PTGER3: variants seen among roughly 807,000 people sequenced by gnomAD.
The protein encoded by PTGER3 is prostaglandin E receptor 3.
In PTGER3, 22 loss-of-function variants were observed where a neutral mutation model predicts 34.7. The ratio of observed to expected loss-of-function variants is 0.63; its 90% confidence interval spans 0.45 to 0.91. The LOEUF (loss-of-function observed/expected upper bound fraction) is 0.91, where lower values mean the gene tolerates loss of function less well. Among genes scored for constraint, PTGER3 ranks in the 40% least tolerant of loss-of-function variants. The pLI is 0.00. For synonymous variants in PTGER3, 241 were observed against 230.1 expected, an observed-to-expected ratio of 1.05 and a Z score of -0.43; for missense variants, 468 against 519.4, an observed-to-expected ratio of 0.90 and a Z score of 0.96.
At chr1:70,885,735 C>CA (rs1460641127) in intron 4 of PTGER3, among the ~76,000 whole-genome samples, 10 of 149,550 alleles carry the variant, frequency 6.7e-5, no homozygotes, top group East Asian at 2.0e-4. Flanking sequence ...GCTGAGGAAA[C>CA]AAAAAAAAGG....
intron 2 of PTGER3, 50 bp from the exon 3 acceptor site, chr1:70,974,438 A>G (rs1653481848): frequency 2.5e-6 from 2 of 805,552 alleles, no homozygotes; most frequent in East Asian, 4.9e-5. Flanking sequence ...GTATTTTTAA[A>G]GAAAAGCAAA....
intron 2 of PTGER3, among the ~76,000 whole-genome samples, chr1:71,005,651 C>A (rs945248563): frequency 6.6e-6 from 1 of 152,096 alleles, no homozygotes; most frequent in African/African-American, 2.4e-5. Flanking sequence ...AAAGAGCAAG[C>A]CTGCAGAAGT....
At chr1:70,865,249 C>T (rs1460047789) in intron 4 of PTGER3, among the ~76,000 whole-genome samples, 1 of 152,088 alleles carries the variant, frequency 6.6e-6, no homozygotes, top group Non-Finnish European at 1.5e-5. Flanking sequence ...TTGTCAGGAA[C>T]ATGGGACTAT....
intron 1 of PTGER3, among the ~76,000 whole-genome samples, chr1:71,040,984 A>G (rs1025366574): frequency 6.6e-6 from 1 of 152,164 alleles, no homozygotes; most frequent in Non-Finnish European, 1.5e-5. Context: ...TGCTCTGTGT[A>G]AAGAGAGCAG....
intron 2 of PTGER3, among the ~76,000 whole-genome samples, chr1:70,985,801 T>C (rs989296532): frequency 1.3e-5 from 2 of 152,196 alleles, no homozygotes; most frequent in Admixed American, 1.3e-4. Context: ...AGTCTTTTAA[T>C]GACGGTCTCA....
rs1218580859 is a variant in PTGER3, at chr1:71,012,418, G to C, written c.964C>G (p.Gln322Glu). The C allele has an allele frequency of 6.2e-7, 1 of 1,614,110 alleles. No homozygotes were observed. Among genetic ancestry groups the C allele is most frequent in the African/African-American group, 1.3e-5 (1 of 75,056 alleles). Residue 322 changes from glutamine (Q) to glutamate (E), a missense_variant, in exon 2 of 4, where the codon CAG becomes GAG. By Grantham distance (29) the Gln-to-Glu change is conservative. This residue lies in a region of PTGER3 where 204 missense variants were observed against 230.8 expected (regional missense o/e 0.88). Transcript: ENST00000306666. ...ATTAAGAAGAAGTTGCATTCTTTCT[G>C]CTTCTCCGTGTGTGTCTTGCAGTGC... is the stretch of plus-strand genomic sequence containing the variant. ...VEHCKTHTEK[Q>E]KECNFFLIAV... is the part of the protein sequence containing the mutation.
intron 3 of PTGER3, among the ~76,000 whole-genome samples, chr1:70,953,391 A>G (rs1650973630): frequency 6.6e-6 from 1 of 152,140 alleles, no homozygotes; most frequent in Admixed American, 6.5e-5. Flanking sequence ...GGCAGTATTT[A>G]AGAGCTGCCA....
chr1:70,882,365 G>T (rs1454040478), intron 4 of PTGER3, among the ~76,000 whole-genome samples: 1 of 152,196 alleles, frequency 6.6e-6, no homozygotes, highest in African/African-American at 2.4e-5. Context: ...CAGTGGTGGG[G>T]ATGGGTGAGA....
intron 1 of PTGER3, among the ~76,000 whole-genome samples, chr1:71,017,761 A>G (rs1658040012): frequency 6.6e-6 from 1 of 152,014 alleles, no homozygotes; most frequent in Non-Finnish European, 1.5e-5. Flanking sequence ...TGCTTCCTGT[A>G]CAGCCAGCAG....
chr1:71,045,108 T>A (rs992481009), intron 1 of PTGER3, among the ~76,000 whole-genome samples: 3 of 152,202 alleles, frequency 2.0e-5, no homozygotes, highest in African/African-American at 7.2e-5. Flanking sequence ...AATAAAGAAC[T>A]GTGACCATAC....
chr1:70,923,201 G>T (rs928983766), intron 4 of PTGER3, among the ~76,000 whole-genome samples: 1 of 105,038 alleles, frequency 9.5e-6, no homozygotes, highest in Non-Finnish European at 2.0e-5. Context: ...AATACAAAAT[G>T]GTGCTTGGTT....
Position 70,971,112 on chromosome 1 carries a change from T to C in PTGER3, c.*618A>G. The C allele has an allele frequency of 1.0e-6, 1 of 985,384 alleles. No homozygotes were observed. The highest frequency in any genetic ancestry group is 1.2e-6 in the Non-Finnish European group (1 of 829,910). 61.0% of individuals were successfully genotyped at this position (985,384 alleles called of 1,614,324 possible). On this transcript the variant is annotated 3_prime_UTR_variant, in exon 4 of 4. Transcript: ENST00000306666. The stretch of plus-strand genomic sequence containing the variant: ...TTAAGCAGATTCCTGAGTTACTAAA[T>C]GACACATAACTAGAATTGAGACTTA...
At chr1:71,041,070 A>T (rs988873699) in intron 1 of PTGER3, among the ~76,000 whole-genome samples, 10 of 152,244 alleles carry the variant, frequency 6.6e-5, no homozygotes, top group Non-Finnish European at 1.0e-4. Flanking sequence ...TTTCTGTATA[A>T]GAATCAATTA....
In PTGER3 at chr1:71,008,135, G is replaced by C. The variant is rs1479489013; in HGVS notation, c.1077+4170C>G. 4 of 977,368 alleles carry C rather than the reference G, an allele frequency of 4.1e-6. No homozygotes were observed. The South Asian group carries it at 1.4e-4, about 35-fold the overall frequency. 60.5% of individuals were successfully genotyped at this position (977,368 alleles called of 1,614,324 possible). A position where few individuals can be genotyped will look rare whatever the true frequency, so the allele number is the denominator to read the frequency against. On this transcript the variant is annotated intron_variant, in intron 2 of 3. Coordinates refer to ENST00000306666, the MANE Select transcript of PTGER3 (RefSeq NM_198719.2). ...TGTTACTTTCTTTCTGTGAAAGAAT[G>C]GATAAGCACAGTAGAGTCAAGGGGA...
intron 4 of PTGER3, among the ~76,000 whole-genome samples, chr1:70,915,727 C>T (rs567302531): frequency 6.6e-6 from 1 of 152,022 alleles, no homozygotes; most frequent in East Asian, 1.9e-4. Context: ...TTCCCCACTG[C>T]TTGTTTTTCT....
At chr1:70,939,442 C>A (rs549657964) in intron 4 of PTGER3, among the ~76,000 whole-genome samples, 28 of 152,340 alleles carry the variant, frequency 1.8e-4, no homozygotes, top group Non-Finnish European at 3.8e-4. Context: ...CTAGGCAGTG[C>A]CCCAGTAGGG....
chr1:70,990,407 C>A (rs1557718667), intron 2 of PTGER3, among the ~76,000 whole-genome samples: 4 of 144,178 alleles, frequency 2.8e-5, no homozygotes, highest in Non-Finnish European at 6.0e-5. Flanking sequence ...ATATAAAATA[C>A]ATATTATATC....
At chr1:70,861,632 T>C (rs2100481456) in intron 4 of PTGER3, among the ~76,000 whole-genome samples, 1 of 152,218 alleles carries the variant, frequency 6.6e-6, no homozygotes, top group African/African-American at 2.4e-5. Context: ...AAAGAATCCA[T>C]TAGAATTAAC....
chr1:70,893,740 AC>A (rs1188484132), intron 4 of PTGER3, among the ~76,000 whole-genome samples: 1 of 152,182 alleles, frequency 6.6e-6, no homozygotes, highest in African/African-American at 2.4e-5. Context: ...TCCTTTGAAA[AC>A]TACTGCCAAG....
Sources: allele counts gnomAD v4.1 joint callset (sites outside exome capture counted in the v4.1 genomes callset), GRCh38; gene constraint gnomAD v4.1.1; regional missense constraint gnomAD v4.1.1; transcripts MANE v1.5; gene names NCBI Gene and HGNC (gene_info 2026-07-23, HGNC 2026-07-21).